Variants in CHCHD3 observed in about 807,000 individuals in gnomAD.
CHCHD3 encodes the protein MICOS complex subunit MIC19.
Under a neutral mutation model 38.2 loss-of-function variants are expected in CHCHD3, and 20 were observed. That is an observed-to-expected ratio of 0.52 (90% CI 0.37 to 0.76). CHCHD3 has a LOEUF of 0.76. Ranked by LOEUF, CHCHD3 falls within the 30% of genes least tolerant of loss-of-function variation. CHCHD3 has a pLI of 0.00. For missense variants in CHCHD3, 245 were observed against 279.2 expected, an observed-to-expected ratio of 0.88 and a Z score of 0.87; for synonymous variants, 82 against 100.0, an observed-to-expected ratio of 0.82 and a Z score of 1.07.
Position 133,024,540 on chromosome 7 carries a change from A to G in CHCHD3, c.251+6T>C, listed in dbSNP as rs1263266018. ...CAAAACCTCTCTCTGATACCACAAA[A>G]CTCACCGTTTCTGATCTTCGGATTC... On this transcript the variant is annotated splice_donor_region_variant and intron_variant, in intron 3 of 7. Coordinates refer to ENST00000262570, the MANE Select transcript of CHCHD3 (RefSeq NM_017812.4). 3 of 1,607,960 alleles carry G rather than the reference A, an allele frequency of 1.9e-6. No homozygotes were observed. In the African/African-American group the frequency reaches 4.0e-5, roughly 22 times the overall value.
At chr7:132,859,914 A>C (rs1476996619) in intron 5 of CHCHD3, among the ~76,000 whole-genome samples, 2 of 152,208 alleles carry the variant, frequency 1.3e-5, no homozygotes, top group Non-Finnish European at 2.9e-5. Flanking sequence ...CTCTGATTCC[A>C]TACTCAATGG....
Position 133,004,703 on chromosome 7 carries a change from T to C in CHCHD3, c.251+19843A>G, listed in dbSNP as rs372691671. ...GAGAAAGGCAATGTGAAGGGGAAAC[T>C]GCAGTAGGCAAGGAGAGTGGGCAAA... On this transcript the variant is annotated intron_variant, in intron 3 of 7. Transcript: ENST00000262570. Among the ~76,000 whole-genome samples the C allele has an allele frequency of 9.8e-4, 149 of 152,316 alleles. 1 individual carries two copies. In the South Asian group the frequency reaches 0.013, roughly 14 times the overall value.
intron 2 of CHCHD3, among the ~76,000 whole-genome samples, chr7:133,033,597 G>C (rs551449046): frequency 2.8e-4 from 43 of 152,256 alleles, no homozygotes; most frequent in African/African-American, 9.9e-4. Flanking sequence ...TTTATGGTTT[G>C]TATGACCACA....
chr7:132,896,926 A>C (rs886595625), intron 4 of CHCHD3, among the ~76,000 whole-genome samples: 92 of 152,338 alleles, frequency 6.0e-4, no homozygotes, highest in African/African-American at 2.1e-3. Flanking sequence ...CTGTGTGATT[A>C]TATGGACTTA....
intron 2 of CHCHD3, among the ~76,000 whole-genome samples, chr7:133,036,649 C>G (rs1167976725): frequency 6.6e-6 from 1 of 152,108 alleles, no homozygotes; most frequent in Non-Finnish European, 1.5e-5. Flanking sequence ...TCCTGACTAC[C>G]CTCTGTGACT....
chr7:132,808,806 A>C (rs1806994992), intron 6 of CHCHD3, among the ~76,000 whole-genome samples: 1 of 151,778 alleles, frequency 6.6e-6, no homozygotes, highest in Non-Finnish European at 1.5e-5. Context: ...ACATATGTAT[A>C]CATGTGCCAT....
At chr7:133,029,473 T>A (rs1048153798) in intron 2 of CHCHD3, among the ~76,000 whole-genome samples, 4 of 152,318 alleles carry the variant, frequency 2.6e-5, no homozygotes, top group Middle Eastern at 3.4e-3. Context: ...ATTCCACATA[T>A]AGGTAAGAAC....
chr7:132,920,193 T>A (rs909886199), intron 4 of CHCHD3, among the ~76,000 whole-genome samples: 1 of 152,170 alleles, frequency 6.6e-6, no homozygotes, highest in African/African-American at 2.4e-5. Context: ...CTTTTGGAAA[T>A]AAAGTTTTAT....
chr7:132,925,947 A>G (rs1361950603), intron 4 of CHCHD3, among the ~76,000 whole-genome samples: 2 of 152,216 alleles, frequency 1.3e-5, no homozygotes, highest in Non-Finnish European at 2.9e-5. Flanking sequence ...GCACCTACCA[A>G]TGGTTCAGGG....
intron 5 of CHCHD3, among the ~76,000 whole-genome samples, chr7:132,864,567 G>A (rs1460596803): frequency 6.6e-6 from 1 of 152,140 alleles, no homozygotes; most frequent in African/African-American, 2.4e-5. Context: ...CCTTAATGCA[G>A]GGTTGCCACA....
At chr7:132,831,513 C>T (rs1233727527) in intron 6 of CHCHD3, among the ~76,000 whole-genome samples, 3 of 152,132 alleles carry the variant, frequency 2.0e-5, no homozygotes, top group Non-Finnish European at 4.4e-5. Flanking sequence ...AATTTTAATA[C>T]TTTTGATAAG....
At chr7:132,857,945 C>T (rs1391375793) in intron 5 of CHCHD3, among the ~76,000 whole-genome samples, 1 of 152,222 alleles carries the variant, frequency 6.6e-6, no homozygotes, top group East Asian at 1.9e-4. Flanking sequence ...TAACTCCCGT[C>T]TTCTGGGACA....
At chr7:133,052,885 A>T (rs910281789) in intron 2 of CHCHD3, among the ~76,000 whole-genome samples, 1 of 152,180 alleles carries the variant, frequency 6.6e-6, no homozygotes, top group South Asian at 2.1e-4. Context: ...GTAAAATGCT[A>T]TTTGGGTTTC....
chr7:132,829,691 C>T (rs1233882185), intron 6 of CHCHD3, among the ~76,000 whole-genome samples: 1 of 152,196 alleles, frequency 6.6e-6, no homozygotes, highest in African/African-American at 2.4e-5. Flanking sequence ...TCTGGCTGCA[C>T]CATCAGCAGC....
chr7:132,910,182 T>C (rs113707182), intron 4 of CHCHD3, among the ~76,000 whole-genome samples: 2 of 152,310 alleles, frequency 1.3e-5, no homozygotes, highest in African/African-American at 2.4e-5. Context: ...AGGGCGGCCC[T>C]GGAACCCATC....
At chr7:132,802,774 G>A (rs1451213492) in intron 6 of CHCHD3, among the ~76,000 whole-genome samples, 1 of 152,132 alleles carries the variant, frequency 6.6e-6, no homozygotes, top group East Asian at 1.9e-4. Flanking sequence ...ATGGCAACAT[G>A]AACTCAATCT....
At chr7:132,802,923 G>A (rs1364038863) in intron 6 of CHCHD3, among the ~76,000 whole-genome samples, 2 of 152,004 alleles carry the variant, frequency 1.3e-5, no homozygotes, top group East Asian at 3.9e-4. Context: ...TCGTCTGGGT[G>A]GGAAGCCTTT....
At chr7:132,847,031 C>A (rs1312939660) in intron 5 of CHCHD3, among the ~76,000 whole-genome samples, 4 of 152,126 alleles carry the variant, frequency 2.6e-5, no homozygotes, top group African/African-American at 9.7e-5. Context: ...AGTGTATCAA[C>A]AAATAACTAG....
At chr7:132,858,419 C>T (rs1808398913) in intron 5 of CHCHD3, among the ~76,000 whole-genome samples, 1 of 152,168 alleles carries the variant, frequency 6.6e-6, no homozygotes, top group Non-Finnish European at 1.5e-5. Context: ...TTATTATATA[C>T]CTTTCGTTCT....
Sources: gnomAD v4.1 joint callset for allele counts (sites outside exome capture counted in the v4.1 genomes callset) on GRCh38, gnomAD v4.1.1 for gene constraint, MANE v1.5 for transcripts, NCBI Gene and HGNC (gene_info 2026-07-23, HGNC 2026-07-21) for gene names.